SPRED2: variants seen among roughly 807,000 people sequenced by gnomAD.
The protein encoded by SPRED2 is sprouty related EVH1 domain containing 2.
In SPRED2, 47 loss-of-function variants were observed where a neutral mutation model predicts 43.0. The ratio of observed to expected loss-of-function variants is 1.09; its 90% confidence interval spans 0.87 to 1.40. The LOEUF (loss-of-function observed/expected upper bound fraction) is 1.40, where lower values mean the gene tolerates loss of function less well. Among genes scored for constraint, SPRED2 ranks in the 40% most tolerant of loss-of-function variants. The pLI, the probability that SPRED2 is intolerant of heterozygous loss-of-function variation, is 0.00. For missense variants in SPRED2, 561 were observed against 586.4 expected (o/e 0.96, Z 0.45); for synonymous variants, 225 against 225.7 (o/e 1.00, Z 0.03).
At chr2:65,401,146 T>A (rs1399924283) in intron 1 of SPRED2, among the ~76,000 whole-genome samples, 1 of 151,904 alleles carries the variant, frequency 6.6e-6, no homozygotes, top group Non-Finnish European at 1.5e-5. Context: ...TTTTTTTTTT[T>A]TTATTTCTTA....
intron 4 of SPRED2, among the ~76,000 whole-genome samples, chr2:65,327,414 C>T (rs1206908509): frequency 1.3e-5 from 2 of 152,186 alleles, no homozygotes; most frequent in Non-Finnish European, 2.9e-5. Flanking sequence ...TTGGGGCTTC[C>T]TGAAACTGAG....
chr2:65,407,469 T>C (rs2103748720), intron 1 of SPRED2, among the ~76,000 whole-genome samples: 1 of 152,094 alleles, frequency 6.6e-6, no homozygotes, highest in African/African-American at 2.4e-5. Context: ...TCTATTGCTG[T>C]GTAGCCATGA....
chr2:65,379,657 G>A (rs953849918), intron 1 of SPRED2, among the ~76,000 whole-genome samples: 6 of 152,116 alleles, frequency 3.9e-5, no homozygotes, highest in East Asian at 3.9e-4. Context: ...ATAGATGAGC[G>A]TAATGAGGCT....
intron 1 of SPRED2, among the ~76,000 whole-genome samples, chr2:65,425,239 C>T (rs187624681): frequency 1.1e-4 from 17 of 152,266 alleles, no homozygotes; most frequent in Admixed American, 9.8e-4. Flanking sequence ...TCTGAAAAAT[C>T]GTTATTTCAG....
intron 1 of SPRED2, among the ~76,000 whole-genome samples, chr2:65,415,025 T>C (rs1026920472): frequency 1.3e-5 from 2 of 152,248 alleles, no homozygotes; most frequent in Admixed American, 1.3e-4. Context: ...CTTGAATTCC[T>C]GTTCTCCTGT....
intron 1 of SPRED2, among the ~76,000 whole-genome samples, chr2:65,365,410 T>C (rs912411674): frequency 6.6e-6 from 1 of 152,226 alleles, no homozygotes; most frequent in Non-Finnish European, 1.5e-5. Context: ...GTTAAGTAAA[T>C]TGAATGCATT....
chr2:65,400,723 G>A (rs1675865807), intron 1 of SPRED2, among the ~76,000 whole-genome samples: 2 of 152,012 alleles, frequency 1.3e-5, no homozygotes, highest in Non-Finnish European at 2.9e-5. Context: ...TCTGATGGAA[G>A]GTCCTTTCAC....
Position 65,422,100 on chromosome 2 carries a change from ACACACTCTCTCTCT to A in SPRED2, c.26+9848_26+9861del, listed in dbSNP as rs1447569182. Among the ~76,000 whole-genome samples, 124 of 112,734 alleles carry A rather than the reference ACACACTCTCTCTCT, an allele frequency of 1.1e-3. 1 individual carries two copies. Among genetic ancestry groups the A allele is most frequent in the African/African-American group, 3.9e-3 (120 of 31,046 alleles). The allele number at this position is 112,734 out of a possible 152,430, so 74.0% of individuals were successfully genotyped here. On this transcript the variant is annotated intron_variant, in intron 1 of 5. Coordinates refer to ENST00000356388, the MANE Select transcript of SPRED2 (RefSeq NM_181784.3). ...ACAACACACACACACACACACACAC[ACACACTCTCTCTCT>A]CTCTCTCTCTCTCTCTCTCTCTTAC...
chr2:65,322,227 TTCCTCTCTC>T (rs1181207899), intron 4 of SPRED2, among the ~76,000 whole-genome samples: 1 of 111,248 alleles, frequency 9.0e-6, no homozygotes, highest in Admixed American at 9.5e-5. Flanking sequence ...TTGGTCTCCT[TTCCTCTCTC>T]TCTCTCTCTC....
Position 65,311,913 on chromosome 2 carries a change from C to A in SPRED2, c.*1588G>T. Reference sequence around the variant, plus strand: ...TCCTTGAAGACTGGTGTCCTGTGTGCAATAAAGAAGGAGTGGGGAAAGGGA... The same window carrying A: ...TCCTTGAAGACTGGTGTCCTGTGTGAAATAAAGAAGGAGTGGGGAAAGGGA... On this transcript the variant is annotated 3_prime_UTR_variant, in exon 6 of 6. Transcript: ENST00000356388. 1 of 985,322 alleles carries A rather than the reference C, an allele frequency of 1.0e-6. No homozygotes were observed. The highest frequency in any genetic ancestry group is 1.2e-6 in the Non-Finnish European group (1 of 829,942). The allele number at this position is 985,322 out of a possible 1,614,324, so 61.0% of individuals were successfully genotyped here.
chr2:65,307,759 C>T (rs577917127), downstream of SPRED2, among the ~76,000 whole-genome samples: 29 of 152,212 alleles, frequency 1.9e-4, no homozygotes, highest in Non-Finnish European at 2.9e-4. Flanking sequence ...TGCACAGTTA[C>T]AACTGGTATC....
intron 1 of SPRED2, among the ~76,000 whole-genome samples, chr2:65,361,887 G>C (rs1674824747): frequency 6.6e-6 from 1 of 152,168 alleles, no homozygotes; most frequent in African/African-American, 2.4e-5. Flanking sequence ...AAGAGGCCCA[G>C]TCAAACAGCA....
chr2:65,322,236 C>CTA (rs1203766097), intron 4 of SPRED2, among the ~76,000 whole-genome samples: 298 of 24,116 alleles, frequency 0.012, no homozygotes, highest in African/African-American at 0.072. Flanking sequence ...TTTCCTCTCT[C>CTA]TCTCTCTCTC....
intron 2 of SPRED2, among the ~76,000 whole-genome samples, chr2:65,342,166 A>ATATATTATGTATATTTTATATACG (rs1674204100): frequency 2.0e-5 from 3 of 147,482 alleles, no homozygotes; most frequent in African/African-American, 2.5e-5. Flanking sequence ...TTTTATATAC[A>ATATATTATGTATATTTTATATACG]TATATTATGT....
intron 1 of SPRED2, chr2:65,366,766 C>A: frequency 1.4e-6 from 2 of 1,420,174 alleles, no homozygotes; most frequent in South Asian, 1.6e-5. Context: ...AAATATACTG[C>A]ATTGTACCGG....
intron 1 of SPRED2, among the ~76,000 whole-genome samples, chr2:65,352,976 A>C (rs1423717738): frequency 6.6e-6 from 1 of 152,222 alleles, no homozygotes. Flanking sequence ...TGTATTTTTT[A>C]AATGGTATGG....
At chr2:65,389,534 GTTAT>G (rs1295257882) in intron 1 of SPRED2, among the ~76,000 whole-genome samples, 2 of 152,088 alleles carry the variant, frequency 1.3e-5, no homozygotes, top group Admixed American at 1.3e-4. Flanking sequence ...ACTTTGTTGT[GTTAT>G]TTGTTTATTA....
intron 1 of SPRED2, among the ~76,000 whole-genome samples, chr2:65,374,655 T>G (rs980955910): frequency 6.6e-6 from 1 of 152,216 alleles, no homozygotes; most frequent in African/African-American, 2.4e-5. Context: ...CAGCCAAAGT[T>G]ACTAAATACT....
At chr2:65,425,608 A>G (rs574595435) in intron 1 of SPRED2, among the ~76,000 whole-genome samples, 7 of 152,368 alleles carry the variant, frequency 4.6e-5, no homozygotes, top group African/African-American at 1.4e-4. Context: ...GACATATGTC[A>G]AGATGTAACA....
Sources: gnomAD v4.1 joint callset for allele counts (sites outside exome capture counted in the v4.1 genomes callset) on GRCh38, gnomAD v4.1.1 for gene constraint, MANE v1.5 for transcripts, NCBI Gene and HGNC (gene_info 2026-07-23, HGNC 2026-07-21) for gene names.